The following CPEB1 variants were observed in gnomAD, a reference collection of about 807,000 sequenced individuals.
CPEB1 encodes the protein cytoplasmic polyadenylation element-binding protein 1.
In CPEB1, 7 loss-of-function variants were observed where a neutral mutation model predicts 65.8. The ratio of observed to expected loss-of-function variants is 0.11; its 90% CI spans 0.06 to 0.20. The LOEUF is 0.20. Ranked by LOEUF, CPEB1 falls within the 10% of genes least tolerant of loss-of-function variation. CPEB1 has a pLI of 1.00. For synonymous variants in CPEB1, 262 were observed against 260.0 expected, an observed-to-expected ratio of 1.01 and a Z score of -0.08; for missense variants, 551 against 712.2, an observed-to-expected ratio of 0.77 and a Z score of 2.58.
chr15:82,589,571 C>T (rs775314586), intron 3 of CPEB1, among the ~76,000 whole-genome samples: 1 of 152,092 alleles, frequency 6.6e-6, no homozygotes, highest in Non-Finnish European at 1.5e-5. Context: ...TGGTGAAACC[C>T]TGTCTCTACC....
chr15:82,613,747 A>C (rs1054721008), intron 3 of CPEB1, among the ~76,000 whole-genome samples: 4 of 152,160 alleles, frequency 2.6e-5, no homozygotes, highest in African/African-American at 9.7e-5. Context: ...AGCATATTTA[A>C]AGGAGAAATG....
intron 3 of CPEB1, among the ~76,000 whole-genome samples, chr15:82,586,510 A>G (rs2041816852): frequency 6.6e-6 from 1 of 152,234 alleles, no homozygotes; most frequent in Non-Finnish European, 1.5e-5. Flanking sequence ...AAAATTACAT[A>G]AAATAAATTT....
At chr15:82,613,134 T>C (rs2044341337) in intron 3 of CPEB1, among the ~76,000 whole-genome samples, 2 of 152,180 alleles carry the variant, frequency 1.3e-5, no homozygotes, top group African/African-American at 4.8e-5. Flanking sequence ...GCTTATCTCT[T>C]ATGTGCATGA....
intron 4 of CPEB1, among the ~76,000 whole-genome samples, chr15:82,563,302 T>G (rs1238318368): frequency 1.3e-5 from 2 of 151,760 alleles, no homozygotes; most frequent in Non-Finnish European, 2.9e-5. Flanking sequence ...CAACTTTAAA[T>G]TGACTAAAGT....
intron 3 of CPEB1, among the ~76,000 whole-genome samples, chr15:82,589,484 C>T (rs2042051193): frequency 6.6e-6 from 1 of 152,212 alleles, no homozygotes; most frequent in Non-Finnish European, 1.5e-5. Flanking sequence ...TAGCTACTGC[C>T]TGTAATCCTA....
chr15:82,628,834 G>A (rs2045993111), intron 1 of CPEB1: 2 of 174,646 alleles, frequency 1.1e-5, no homozygotes, highest in Admixed American at 5.6e-5. Context: ...TTTCTCTTAT[G>A]ATTTTCTAGT....
At position 82,549,449 on chromosome 15, in the gene CPEB1, G is replaced by C; in HGVS notation, c.1480+11C>G. The C allele has an allele frequency of 7.4e-6, 12 of 1,614,120 alleles. No homozygotes were observed. Among genetic ancestry groups the C allele is most frequent in the Non-Finnish European group, 9.3e-6 (11 of 1,179,964 alleles). On this transcript the variant is annotated intron_variant, in intron 10 of 12. Transcript: ENST00000684509. ...CAACCAAGCTTTCGCACACAGAAGTGGGACACTTACCAATGGGATACTTGT... is the reference window on the plus strand; with the variant it reads ...CAACCAAGCTTTCGCACACAGAAGTCGGACACTTACCAATGGGATACTTGT...
intron 6 of CPEB1, among the ~76,000 whole-genome samples, chr15:82,554,808 C>T (rs554323672): frequency 8.5e-4 from 130 of 152,358 alleles, no homozygotes; most frequent in African/African-American, 3.0e-3. Flanking sequence ...ATAGGCCCAA[C>T]GTGTTGCTAC....
intron 9 of CPEB1, among the ~76,000 whole-genome samples, chr15:82,551,742 A>G (rs948256298): frequency 6.6e-6 from 1 of 152,162 alleles, no homozygotes; most frequent in Non-Finnish European, 1.5e-5. Flanking sequence ...CCTGAGCTCA[A>G]AACTTGCTTT....
intron 2 of CPEB1, 172 bp downstream of exon 2, chr15:82,628,192 A>C (rs1390960145): frequency 1.4e-6 from 1 of 702,290 alleles, no homozygotes; most frequent in South Asian, 1.5e-5. Context: ...TCATGCCCAA[A>C]ATAATAAATT....
chr15:82,581,556 A>G (rs1172277467), intron 3 of CPEB1, among the ~76,000 whole-genome samples: 1 of 152,162 alleles, frequency 6.6e-6, no homozygotes, highest in East Asian at 1.9e-4. Flanking sequence ...ACCATTTTAC[A>G]TTCCCACCAG....
intron 9 of CPEB1, among the ~76,000 whole-genome samples, chr15:82,551,261 T>TA (rs1242397616): frequency 6.6e-6 from 1 of 152,170 alleles, no homozygotes; most frequent in East Asian, 1.9e-4. Flanking sequence ...TCTTACCCTA[T>TA]AGATTTTTTT....
chr15:82,598,853 T>C (rs2042879063), intron 3 of CPEB1, among the ~76,000 whole-genome samples: 1 of 152,064 alleles, frequency 6.6e-6, no homozygotes, highest in African/African-American at 2.4e-5. Flanking sequence ...ATTGACCAAA[T>C]ATTTTCAGAA....
In CPEB1 at chr15:82,544,533, G is replaced by T. The variant is rs2034825536; in HGVS notation, c.*59C>A. On this transcript the variant is annotated 3_prime_UTR_variant, in exon 13 of 13. Coordinates refer to ENST00000684509, the MANE Select transcript of CPEB1 (RefSeq NM_001365242.1). Reference sequence around the variant, plus strand: ...GGTCGCCAGTGGCAGGGTGGTGCAGGCTGCTTGCCTGACCTGCCAGCTTTG... The same window carrying T: ...GGTCGCCAGTGGCAGGGTGGTGCAGTCTGCTTGCCTGACCTGCCAGCTTTG... The T allele has an allele frequency of 1.5e-6, 2 of 1,337,320 alleles. No individual in the cohort carries two copies. The highest frequency in any genetic ancestry group is 1.4e-5 in the African/African-American group (1 of 69,840). The allele number at this position is 1,337,320 out of a possible 1,614,324, so 82.8% of individuals were successfully genotyped here. A position where few individuals can be genotyped will look rare whatever the true frequency, so the allele number is the denominator to read the frequency against.
At chr15:82,546,235 A>G (rs566792801) in intron 12 of CPEB1, among the ~76,000 whole-genome samples, 2 of 152,094 alleles carry the variant, frequency 1.3e-5, no homozygotes, top group East Asian at 3.9e-4. Context: ...TCAGCCTCCC[A>G]AGTAGCTGGG....
chr15:82,546,829 CAAGTGTTCGG>C (rs1422573496), intron 11 of CPEB1, among the ~76,000 whole-genome samples: 1 of 152,128 alleles, frequency 6.6e-6, no homozygotes, highest in African/African-American at 2.4e-5. Context: ...GCAGTATAGG[CAAGTGTTCGG>C]AGGATTCCCA....
At chr15:82,599,173 C>A (rs1054634295) in intron 3 of CPEB1, among the ~76,000 whole-genome samples, 1 of 152,054 alleles carries the variant, frequency 6.6e-6, no homozygotes, top group Non-Finnish European at 1.5e-5. Flanking sequence ...AAAAGCAGTT[C>A]TCTTAAAATA....
At chr15:82,615,522 G>C (rs892020572) in intron 3 of CPEB1, among the ~76,000 whole-genome samples, 2 of 152,190 alleles carry the variant, frequency 1.3e-5, no homozygotes, top group Non-Finnish European at 2.9e-5. Context: ...ACAGCAGACA[G>C]AATGGCATAA....
chr15:82,557,604 T>C lies in CPEB1; in HGVS notation c.687+156A>G, dbSNP rs2037450191. The stretch of plus-strand genomic sequence containing the variant: ...TCTATCCTGTTAAGGATGAGAACTC[T>C]ACAAATGTCCACAATAATCTCCACT... On this transcript the variant is annotated intron_variant, in intron 5 of 12. Coordinates refer to ENST00000684509, the MANE Select transcript of CPEB1 (RefSeq NM_001365242.1). 4.6e-6 allele frequency: 3 copies of C among 647,140 alleles called. No individual in the cohort carries two copies. In the Admixed American group the frequency reaches 8.5e-5, roughly 18 times the overall value. The allele number at this position is 647,140 out of a possible 1,614,324, so 40.1% of individuals were successfully genotyped here.
Sources: gnomAD v4.1 joint callset for allele counts (sites outside exome capture counted in the v4.1 genomes callset) on GRCh38, gnomAD v4.1.1 for gene constraint, MANE v1.5 for transcripts, NCBI Gene and HGNC (gene_info 2026-07-23, HGNC 2026-07-21) for gene names.